The following LHFPL6 variants were observed in gnomAD, a reference collection of about 807,000 sequenced individuals.
LHFPL6 encodes the protein LHFPL tetraspan subfamily member 6, also known as LHFPL tetraspan subfamily member 6 protein.
In LHFPL6, 9 loss-of-function variants were observed where a neutral mutation model predicts 20.6. That is an observed-to-expected ratio of 0.44 (90% CI 0.26 to 0.76). LHFPL6 has a LOEUF of 0.76. Among genes scored for constraint, LHFPL6 ranks in the 30% least tolerant of loss-of-function variants. The pLI, the probability that LHFPL6 is intolerant of heterozygous loss-of-function variation, is 0.20. For missense variants in LHFPL6, 218 were observed against 253.5 expected (o/e 0.86, Z 0.95); for synonymous variants, 105 against 98.7 (o/e 1.06, Z -0.38).
At chr13:39,376,389 C>A (rs1870295037) in intron 3 of LHFPL6, among the ~76,000 whole-genome samples, 1 of 152,240 alleles carries the variant, frequency 6.6e-6, no homozygotes, top group African/African-American at 2.4e-5. Context: ...CAAACCCAAA[C>A]TAAACCAGAT....
At chr13:39,486,267 A>T (rs1868721807) in intron 2 of LHFPL6, among the ~76,000 whole-genome samples, 1 of 152,144 alleles carries the variant, frequency 6.6e-6, no homozygotes, top group Non-Finnish European at 1.5e-5. Context: ...GTGAGTCTCC[A>T]TTGTATCAGG....
intron 2 of LHFPL6, among the ~76,000 whole-genome samples, chr13:39,395,406 T>C (rs1161291096): frequency 6.6e-6 from 1 of 152,194 alleles, no homozygotes; most frequent in Non-Finnish European, 1.5e-5. Context: ...TCGTTAGGAC[T>C]TTTCCCCTTG....
chr13:39,521,306 A>T lies in LHFPL6; in HGVS notation c.385+79526T>A, dbSNP rs147941018. 1.2e-3 allele frequency among the ~76,000 whole-genome samples: 186 copies of T among 152,266 alleles called. 1 individual carries two copies. The highest frequency in any genetic ancestry group is 6.8e-3 in the Middle Eastern group (2 of 294). The stretch of plus-strand genomic sequence containing the variant: ...TGTTACAATACCTATGTGATCTTTC[A>T]TCTTGAATTGAATCTTAGCAAGCAG... On this transcript the variant is annotated intron_variant, in intron 2 of 3. Transcript: ENST00000379589.
Position 39,579,163 on chromosome 13 carries a change from C to T in LHFPL6, c.385+21669G>A, listed in dbSNP as rs190946865. On this transcript the variant is annotated intron_variant, in intron 2 of 3. Transcript: ENST00000379589. ...CCAAGGTATTTTGAGCATGAAAGGG[C>T]CATGCTCACACCCAAGAGGATTACT... Among the ~76,000 whole-genome samples, 135 of 152,134 alleles carry T rather than the reference C, an allele frequency of 8.9e-4. 2 individuals carry two copies. The highest frequency in any genetic ancestry group is 6.7e-3 in the South Asian group (32 of 4,808).
chr13:39,366,902 T>C (rs1870026849), intron 3 of LHFPL6, among the ~76,000 whole-genome samples: 1 of 152,220 alleles, frequency 6.6e-6, no homozygotes, highest in Admixed American at 6.5e-5. Flanking sequence ...AAAGGCATTA[T>C]TTTTATTATA....
At chr13:39,481,679 A>G (rs905677167) in intron 2 of LHFPL6, among the ~76,000 whole-genome samples, 1 of 152,130 alleles carries the variant, frequency 6.6e-6, no homozygotes, top group Non-Finnish European at 1.5e-5. Flanking sequence ...CTGTAACACA[A>G]AAAGGAAGGG....
rs17059793 is a variant in LHFPL6, at chr13:39,395,530, C to T, written c.386-17004G>A. Among the ~76,000 whole-genome samples the T allele has an allele frequency of 6.0e-3, 917 of 152,246 alleles. 33 individuals are homozygous for T. The highest frequency in any genetic ancestry group is 0.042 in the Admixed American group (645 of 15,286). ...ACAGCCTCCCAAAGACTGATAAGGA[C>T]GTCTGCATTCCTCCCCGGAGCCTGG... On this transcript the variant is annotated intron_variant, in intron 2 of 3. Coordinates refer to ENST00000379589, the MANE Select transcript of LHFPL6 (RefSeq NM_005780.3).
intron 3 of LHFPL6, among the ~76,000 whole-genome samples, chr13:39,368,346 G>A (rs183683425): frequency 6.6e-6 from 1 of 152,108 alleles, no homozygotes; most frequent in Non-Finnish European, 1.5e-5. Flanking sequence ...CACTTTGGGA[G>A]GCTGAGGCGG....
At chr13:39,567,546 A>G (rs1404158154) in intron 2 of LHFPL6, among the ~76,000 whole-genome samples, 2 of 152,066 alleles carry the variant, frequency 1.3e-5, no homozygotes, top group African/African-American at 4.8e-5. Flanking sequence ...TGGGCCACAT[A>G]AGGTTTTCTT....
chr13:39,432,181 G>A lies in LHFPL6; in HGVS notation c.386-53655C>T, dbSNP rs964215236. ...TTTGGACTTCCCAGCCTCCAACTGT[G>A]AGGAAATGAGTTTCTTTTATTTCAA... is the stretch of plus-strand genomic sequence containing the variant. On this transcript the variant is annotated intron_variant, in intron 2 of 3. Coordinates refer to ENST00000379589, the MANE Select transcript of LHFPL6 (RefSeq NM_005780.3). Among the ~76,000 whole-genome samples the A allele has an allele frequency of 2.6e-5, 4 of 152,166 alleles. No individual in the cohort carries two copies. The South Asian group carries it at 6.2e-4, about 24-fold the overall frequency.
At chr13:39,456,092 G>C (rs1264943236) in intron 2 of LHFPL6, among the ~76,000 whole-genome samples, 1 of 152,206 alleles carries the variant, frequency 6.6e-6, no homozygotes, top group African/African-American at 2.4e-5. Context: ...CAATCTTCCT[G>C]AGGGCAAAAG....
chr13:39,593,044 C>T (rs1175875598), intron 2 of LHFPL6, among the ~76,000 whole-genome samples: 1 of 152,136 alleles, frequency 6.6e-6, no homozygotes, highest in Non-Finnish European at 1.5e-5. Flanking sequence ...TGGAAGCATT[C>T]CCTTTGAAAA....
intron 2 of LHFPL6, among the ~76,000 whole-genome samples, chr13:39,415,160 G>A (rs563998408): frequency 7.4e-4 from 112 of 152,234 alleles, no homozygotes; most frequent in South Asian, 3.5e-3. Context: ...AACCTAAGAC[G>A]GAAACATCTG....
chr13:39,578,996 T>C (rs1251265978), intron 2 of LHFPL6, among the ~76,000 whole-genome samples: 2 of 152,174 alleles, frequency 1.3e-5, no homozygotes, highest in East Asian at 1.9e-4. Context: ...TTATGTAACC[T>C]CTCGTGTAAC....
chr13:39,533,109 G>C (rs1391740953), intron 2 of LHFPL6, among the ~76,000 whole-genome samples: 1 of 152,146 alleles, frequency 6.6e-6, no homozygotes, highest in Non-Finnish European at 1.5e-5. Context: ...TGCAACCTTG[G>C]ACTCTAGACT....
At chr13:39,570,928 T>G (rs1871893483) in intron 2 of LHFPL6, among the ~76,000 whole-genome samples, 1 of 152,228 alleles carries the variant, frequency 6.6e-6, no homozygotes, top group African/African-American at 2.4e-5. Flanking sequence ...TGGATAACAT[T>G]CTTTATCTCC....
chr13:39,405,121 G>A (rs1871087601), intron 2 of LHFPL6, among the ~76,000 whole-genome samples: 1 of 152,196 alleles, frequency 6.6e-6, no homozygotes, highest in East Asian at 1.9e-4. Flanking sequence ...TGAGTGTGAG[G>A]TGATAAAGAG....
At chr13:39,547,912 T>C (rs1295748582) in intron 2 of LHFPL6, among the ~76,000 whole-genome samples, 6 of 152,116 alleles carry the variant, frequency 3.9e-5, no homozygotes, top group Non-Finnish European at 8.8e-5. Context: ...TGTTAGGTAA[T>C]GTTATACCTT....
At chr13:39,583,334 G>A (rs1041864042) in intron 2 of LHFPL6, among the ~76,000 whole-genome samples, 1 of 151,864 alleles carries the variant, frequency 6.6e-6, no homozygotes, top group Non-Finnish European at 1.5e-5. Context: ...CACCATGCCT[G>A]GATAATTTTT....
Sources: gnomAD v4.1 joint callset for allele counts (sites outside exome capture counted in the v4.1 genomes callset) on GRCh38, gnomAD v4.1.1 for gene constraint, MANE v1.5 for transcripts, NCBI Gene and HGNC (gene_info 2026-07-23, HGNC 2026-07-21) for gene names.